The following ATP1A4 variants were observed in gnomAD, a reference collection of about 807,000 sequenced individuals.
ATP1A4 encodes ATPase Na+/K+ transporting subunit alpha 4, also known as sodium/potassium-transporting ATPase subunit alpha-4.
In ATP1A4, 90 loss-of-function variants were observed where a neutral mutation model predicts 114.3. The ratio of observed to expected loss-of-function variants is 0.79; its 90% CI spans 0.66 to 0.94. The LOEUF is 0.94. ATP1A4 is among the 40% of genes least tolerant of loss of function. The pLI is 0.00. For missense variants in ATP1A4, 1,222 were observed against 1,313.6 expected (o/e 0.93, Z 1.08); for synonymous variants, 511 against 494.1 (o/e 1.03, Z -0.45).
intron 15 of ATP1A4, among the ~76,000 whole-genome samples, chr1:160,175,785 A>G (rs1328008725): frequency 6.6e-6 from 1 of 152,140 alleles, no homozygotes; most frequent in Non-Finnish European, 1.5e-5. Flanking sequence ...TCCAGCCTTA[A>G]TCTTGTAAAG....
intron 6 of ATP1A4, 42 bp from the exon 7 acceptor site, chr1:160,164,114 C>T (rs771009154): frequency 3.7e-6 from 6 of 1,600,468 alleles, no homozygotes; most frequent in Non-Finnish European, 5.1e-6. Flanking sequence ...TACTTCTTAT[C>T]ATATCACAAC....
At chr1:160,152,948 C>T (rs577594964) in intron 1 of ATP1A4, among the ~76,000 whole-genome samples, 2 of 152,222 alleles carry the variant, frequency 1.3e-5, no homozygotes, top group Admixed American at 1.3e-4. Flanking sequence ...GCAGGAGAAA[C>T]ACCTGTTGGG....
At chr1:160,177,493 C>A in intron 17 of ATP1A4, 26 bp from the exon 18 acceptor site, 1 of 1,612,462 alleles carries the variant, frequency 6.2e-7, no homozygotes, top group Non-Finnish European at 8.5e-7. Flanking sequence ...CCAGGCTCCC[C>A]TGTCCTGCAA....
intron 10 of ATP1A4, chr1:160,169,953 A>G (rs964652177): frequency 6.6e-6 from 1 of 152,218 alleles, no homozygotes; most frequent in Non-Finnish European, 1.5e-5. Context: ...TTTGGATTGT[A>G]CTTCACAGTT....
intron 18 of ATP1A4, among the ~76,000 whole-genome samples, chr1:160,180,543 G>A (rs1571035536): frequency 6.6e-6 from 1 of 152,078 alleles, no homozygotes; most frequent in African/African-American, 2.4e-5. Context: ...TTCCTTAAGT[G>A]TAAAGTGTGA....
intron 14 of ATP1A4, 103 bp downstream of exon 14, chr1:160,174,364 C>A: frequency 6.6e-7 from 1 of 1,504,648 alleles, no homozygotes; most frequent in Non-Finnish European, 9.0e-7. Context: ...AGAGGAGACT[C>A]CAGAGAGTAC....
intron 12 of ATP1A4, among the ~76,000 whole-genome samples, chr1:160,172,543 G>A (rs2101644871): frequency 6.6e-6 from 1 of 152,326 alleles, no homozygotes; most frequent in African/African-American, 2.4e-5. Flanking sequence ...GATGGCAGCA[G>A]TAGAATTCTT....
rs547649929 is a variant in ATP1A4 at position 160,151,812 on chromosome 1, C to T, written c.-229C>T. 130 of 473,826 alleles carry T rather than the reference C, an allele frequency of 2.7e-4. No homozygotes were observed. The East Asian group carries it at 3.5e-3, about 13-fold the overall frequency. The allele number at this position is 473,826 out of a possible 1,614,324, so 29.4% of individuals were successfully genotyped here. Reference sequence around the variant, plus strand: ...CACTCCTGACTCTTCCTCTTCCCAGCGGACGGCTGGAGGACCGCTCAGTCT... The same window carrying T: ...CACTCCTGACTCTTCCTCTTCCCAGTGGACGGCTGGAGGACCGCTCAGTCT... On this transcript the variant is annotated 5_prime_UTR_variant, in exon 1 of 22. Coordinates refer to ENST00000368081, the MANE Select transcript of ATP1A4 (RefSeq NM_144699.4).
At chr1:160,153,028 C>CA (rs1347533463) in intron 1 of ATP1A4, 137 bp from the exon 2 acceptor site, 1,414 of 662,114 alleles carry the variant, frequency 2.1e-3, no homozygotes, top group South Asian at 2.6e-3. Context: ...GACTCCATCT[C>CA]AAAAAAAGAA....
chr1:160,167,631 T>G (rs753931338), intron 10 of ATP1A4, among the ~76,000 whole-genome samples: 15 of 152,180 alleles, frequency 9.9e-5, no homozygotes, highest in Non-Finnish European at 1.5e-4. Context: ...GTCAGTCCTA[T>G]GCAGAGATCT....
chr1:160,179,739 T>C (rs1012466942), intron 18 of ATP1A4, among the ~76,000 whole-genome samples: 1 of 152,182 alleles, frequency 6.6e-6, no homozygotes, highest in Non-Finnish European at 1.5e-5. Flanking sequence ...GATATGATAG[T>C]GAACAAAAAT....
At chr1:160,180,693 CCTT>C (rs1557808295) in intron 18 of ATP1A4, among the ~76,000 whole-genome samples, 24 of 131,444 alleles carry the variant, frequency 1.8e-4, no homozygotes, top group Non-Finnish European at 3.3e-4. Context: ...TGCCTTCTTC[CCTT>C]TTTTTTTTTT....
chr1:160,159,513 CAACT>C lies in ATP1A4; in HGVS notation c.766_769del (p.Asn256ValfsTer10). The stretch of plus-strand genomic sequence containing the variant: ...CCCGAAACATCTGCTTCTTTTCCAC[CAACT>C]GTGTGGAAGGTGAATATCGAACCAT... On this transcript the variant is annotated frameshift_variant, in exon 6 of 22. Transcript: ENST00000368081. LOFTEE classifies it high-confidence loss of function. The C allele has an allele frequency of 6.2e-7, 1 of 1,612,186 alleles. No individual in the cohort carries two copies. Among genetic ancestry groups the C allele is most frequent in the Non-Finnish European group, 8.5e-7 (1 of 1,178,630 alleles).
chr1:160,185,166 G>A (rs960141951), intron 20 of ATP1A4, among the ~76,000 whole-genome samples: 1 of 150,802 alleles, frequency 6.6e-6, no homozygotes, highest in Non-Finnish European at 1.5e-5. Context: ...AGGCTGGAGT[G>A]CAGTGGTGCG....
chr1:160,166,195 G>T (rs1371342006), intron 7 of ATP1A4, among the ~76,000 whole-genome samples: 1 of 152,188 alleles, frequency 6.6e-6, no homozygotes, highest in Admixed American at 6.5e-5. Context: ...GCTTTAACCT[G>T]GGGGATGGAG....
chr1:160,154,994 C>T (rs1652587862), intron 2 of ATP1A4, 51 bp from the exon 3 acceptor site: 1 of 1,560,644 alleles, frequency 6.4e-7, no homozygotes, highest in South Asian at 1.1e-5. Context: ...TTTGCTATGG[C>T]TGTTCCTCTT....
In ATP1A4 at chr1:160,164,214, C is replaced by T; in HGVS notation, c.837C>T (p.Ala279=). The stretch of plus-strand genomic sequence containing the variant: ...ACTCCACAGTGATGGGCAGAATTGC[C>T]TCCCTGACGTCAGGCCTGGCGGTTG... ...TGDSTVMGRI[A]SLTSGLAVGQ... is the part of the protein sequence containing the mutation. Residue 279 remains alanine (A), a synonymous_variant, in exon 7 of 22, where the codon GCC becomes GCT. Coordinates refer to ENST00000368081, the MANE Select transcript of ATP1A4 (RefSeq NM_144699.4). 6.2e-7 allele frequency: 1 copy of T among 1,614,212 alleles called. No individual in the cohort carries two copies. The highest frequency in any genetic ancestry group is 8.5e-7 in the Non-Finnish European group (1 of 1,180,032).
chr1:160,154,811 T>C (rs190484552), intron 2 of ATP1A4, among the ~76,000 whole-genome samples: 99 of 152,242 alleles, frequency 6.5e-4, no homozygotes, highest in Non-Finnish European at 1.1e-3. Flanking sequence ...TTCAAAAAGG[T>C]TTGTGAATCA....
intron 20 of ATP1A4, among the ~76,000 whole-genome samples, chr1:160,184,488 A>G (rs1342201457): frequency 6.6e-6 from 1 of 152,118 alleles, no homozygotes; most frequent in African/African-American, 2.4e-5. Context: ...TCAAGACTGC[A>G]GTGAGTTATG....
Sources: allele counts gnomAD v4.1 joint callset (sites outside exome capture counted in the v4.1 genomes callset), GRCh38; gene constraint gnomAD v4.1.1; transcripts MANE v1.5; gene names NCBI Gene and HGNC (gene_info 2026-07-23, HGNC 2026-07-21).